MCM6: variants seen among roughly 807,000 people sequenced by gnomAD.
MCM6 encodes the protein DNA replication licensing factor MCM6.
A neutral mutation model predicts 94.3 loss-of-function variants in MCM6; 46 were observed. The observed-to-expected ratio is 0.49, with a 90% CI of 0.39 to 0.62. The LOEUF is 0.62. Among genes scored for constraint, MCM6 ranks in the 20% least tolerant of loss-of-function variants. The probability of loss-of-function intolerance (pLI) is 0.00; values close to 1 mark genes in which losing one functional copy is unlikely to be tolerated. For missense variants in MCM6, 865 were observed against 1,017.9 expected (o/e 0.85, Z 2.04); for synonymous variants, 335 against 351.9 (o/e 0.95, Z 0.54).
At chr2:135,861,913 G>A (rs922634583) in intron 8 of MCM6, among the ~76,000 whole-genome samples, 1 of 152,152 alleles carries the variant, frequency 6.6e-6, no homozygotes, top group Admixed American at 6.5e-5. Flanking sequence ...ATGGCACCCG[G>A]CCAGTACATC....
At chr2:135,864,080 C>T (rs1287413889) in intron 7 of MCM6, among the ~76,000 whole-genome samples, 1 of 152,052 alleles carries the variant, frequency 6.6e-6, no homozygotes, top group Non-Finnish European at 1.5e-5. Flanking sequence ...CACTGCACTC[C>T]AGCCTGGGCG....
At chr2:135,866,852 C>T in intron 4 of MCM6, 124 bp from the exon 5 acceptor site, 1 of 702,684 alleles carries the variant, frequency 1.4e-6, no homozygotes, top group Non-Finnish European at 2.2e-6. Context: ...GCAGACTTTT[C>T]ACATGTACCA....
Position 135,856,902 on chromosome 2 carries a change from A to C in MCM6, c.1471-19T>G. 4.4e-6 allele frequency: 7 copies of C among 1,601,408 alleles called. No individual in the cohort carries two copies. The highest frequency in any genetic ancestry group is 1.3e-5 in the African/African-American group (1 of 74,324). On this transcript the variant is annotated intron_variant, in intron 10 of 16. Transcript: ENST00000264156. ...GAGTAGCCTGACCACAAAAGAAAGA[A>C]TCTTAACAGATTTAAATAGACATCA...
chr2:135,865,666 A>T (rs1402201396), intron 6 of MCM6, among the ~76,000 whole-genome samples: 3 of 152,228 alleles, frequency 2.0e-5, no homozygotes, highest in Non-Finnish European at 4.4e-5. Flanking sequence ...CAGCGTGGAT[A>T]ATTTGTACCA....
At position 135,840,055 on chromosome 2, in the gene MCM6, T is replaced by C. The variant is rs1679540471; in HGVS notation, c.*780A>G. ...GTTAGTATCATAAACGGTAATAACT[T>C]TTCCTGGAAGACCATAAAATTTGGG... is the stretch of plus-strand genomic sequence containing the variant. On this transcript the variant is annotated 3_prime_UTR_variant, in exon 17 of 17. Coordinates refer to ENST00000264156, the MANE Select transcript of MCM6 (RefSeq NM_005915.6). 6.6e-6 allele frequency: 1 copy of C among 152,148 alleles called. No homozygotes were observed. The highest frequency in any genetic ancestry group is 2.4e-5 in the African/African-American group (1 of 41,420). 9.4% of individuals were successfully genotyped at this position (152,148 alleles called of 1,614,324 possible).
intron 3 of MCM6, among the ~76,000 whole-genome samples, chr2:135,869,416 C>CAA (rs1356015231): frequency 1.4e-5 from 2 of 144,092 alleles, no homozygotes; most frequent in Admixed American, 6.9e-5. Flanking sequence ...AAAAAAAAAA[C>CAA]AAAAACAGAA....
At chr2:135,853,026 A>C in intron 11 of MCM6, 111 bp from the exon 12 acceptor site, 1 of 959,528 alleles carries the variant, frequency 1.0e-6, no homozygotes. Context: ...TATACCACTT[A>C]AAGAAGTATT....
intron 9 of MCM6, among the ~76,000 whole-genome samples, chr2:135,858,410 C>T (rs1352244553): frequency 6.6e-6 from 1 of 152,056 alleles, no homozygotes; most frequent in Admixed American, 6.6e-5. Flanking sequence ...TTGCTTGAAC[C>T]CGGGAGGCAG....
chr2:135,872,468 C>A (rs2105593376), intron 2 of MCM6, among the ~76,000 whole-genome samples: 1 of 151,922 alleles, frequency 6.6e-6, no homozygotes, highest in African/African-American at 2.4e-5. Flanking sequence ...AACAAACAAA[C>A]AAACAAACAA....
chr2:135,868,970 A>G, intron 3 of MCM6, 110 bp from the exon 4 acceptor site: 1 of 1,071,042 alleles, frequency 9.3e-7, no homozygotes, highest in Middle Eastern at 2.8e-4. Flanking sequence ...AAAAAATTCA[A>G]GAGACAAGGT....
At chr2:135,868,573 T>C (rs1558762905) in intron 4 of MCM6, 38 bp downstream of exon 4, 2 of 1,596,436 alleles carry the variant, frequency 1.3e-6, no homozygotes, top group Middle Eastern at 1.7e-4. Flanking sequence ...ATTATTATCA[T>C]AGATGGACTC....
In MCM6 at chr2:135,876,351, C is replaced by G; in HGVS notation, c.15G>C (p.Ala5=). The G allele has an allele frequency of 6.2e-7, 1 of 1,607,776 alleles. No homozygotes were observed. The highest frequency in any genetic ancestry group is 8.5e-7 in the Non-Finnish European group (1 of 1,179,046). Residue 5 remains alanine, a synonymous_variant, in exon 1 of 17, where the codon GCG becomes GCC. Transcript: ENST00000264156. ...GGCTGCCGGCGCCCGGCTCCGCTGC[C>G]GCCGCGAGGTCCATATTTGCTTAGT... The part of the protein sequence containing the change: MDLA[A]AAEPGAGSQH...
intron 16 of MCM6, 43 bp downstream of exon 16, chr2:135,844,502 C>T: frequency 2.1e-6 from 3 of 1,405,658 alleles, no homozygotes; most frequent in Non-Finnish European, 2.8e-6. Context: ...GGCATGAACT[C>T]CCTCCCTCCC....
intron 11 of MCM6, among the ~76,000 whole-genome samples, chr2:135,854,484 G>A (rs1035208286): frequency 7.5e-6 from 1 of 133,696 alleles, no homozygotes; most frequent in Admixed American, 8.4e-5. Flanking sequence ...GAGGTGAGAC[G>A]GCAGCACTGC....
chr2:135,846,089 C>A, intron 15 of MCM6, 148 bp downstream of exon 15: 1 of 714,732 alleles, frequency 1.4e-6, no homozygotes, highest in South Asian at 2.2e-5. Context: ...GCTGATACTC[C>A]ACAAATTTAC....
At chr2:135,846,754 A>G (rs1350017578) in intron 14 of MCM6, among the ~76,000 whole-genome samples, 2 of 152,206 alleles carry the variant, frequency 1.3e-5, no homozygotes, top group Non-Finnish European at 1.5e-5. Flanking sequence ...CTGTAATCCC[A>G]GCACTTTGCA....
chr2:135,864,849 C>T (rs1347835915), intron 7 of MCM6, among the ~76,000 whole-genome samples, 164 bp downstream of exon 7: 2 of 152,136 alleles, frequency 1.3e-5, no homozygotes, highest in African/African-American at 4.8e-5. Flanking sequence ...ATTACAGGTA[C>T]CTCGTATAAG....
chr2:135,857,856 G>T, intron 10 of MCM6, 41 bp downstream of exon 10: 1 of 1,521,052 alleles, frequency 6.6e-7, no homozygotes, highest in Non-Finnish European at 9.1e-7. Flanking sequence ...AATCAACAAG[G>T]CTATGGACGA....
intron 2 of MCM6, among the ~76,000 whole-genome samples, chr2:135,871,890 T>C (rs1680208642): frequency 6.6e-6 from 1 of 152,234 alleles, no homozygotes; most frequent in African/African-American, 2.4e-5. Flanking sequence ...AGCAATTTAA[T>C]TCTCCTTACT....
Sources: allele counts gnomAD v4.1 joint callset (sites outside exome capture counted in the v4.1 genomes callset), GRCh38; gene constraint gnomAD v4.1.1; transcripts MANE v1.5; gene names NCBI Gene and HGNC (gene_info 2026-07-23, HGNC 2026-07-21).